Variants in DPP6 observed in about 807,000 individuals in gnomAD.
DPP6 encodes the protein dipeptidyl peptidase like 6, also known as A-type potassium channel modulatory protein DPP6.
Under a neutral mutation model 122.6 loss-of-function variants are expected in DPP6, and 69 were observed. That is an observed-to-expected ratio of 0.56 (90% CI 0.46 to 0.69). The LOEUF is 0.69. DPP6 is among the 30% of genes least tolerant of loss of function. The probability of loss-of-function intolerance (pLI) is 0.00; values close to 1 mark genes in which losing one functional copy is unlikely to be tolerated. For synonymous variants in DPP6, 418 were observed against 433.1 expected (o/e 0.97, Z 0.43); for missense variants, 928 against 1,116.9 (o/e 0.83, Z 2.41).
intron 7 of DPP6, among the ~76,000 whole-genome samples, chr7:154,693,670 GC>G (rs546350628): frequency 9.9e-5 from 15 of 152,246 alleles, no homozygotes; most frequent in Admixed American, 8.5e-4. Flanking sequence ...GGGGGTTCTG[GC>G]CACATCTGCC....
At chr7:154,392,457 G>T (rs1490032821) in intron 1 of DPP6, among the ~76,000 whole-genome samples, 2 of 152,146 alleles carry the variant, frequency 1.3e-5, no homozygotes, top group African/African-American at 2.4e-5. Flanking sequence ...GTTATTTCAT[G>T]CAGGTGGAGA....
At chr7:154,460,179 G>A (rs1006355770) in intron 2 of DPP6, among the ~76,000 whole-genome samples, 5 of 151,738 alleles carry the variant, frequency 3.3e-5, no homozygotes, top group Non-Finnish European at 7.4e-5. Context: ...ACGGGGTTTC[G>A]CGATGTTGGC....
At chr7:154,338,286 G>A (rs1479247628) in intron 1 of DPP6, among the ~76,000 whole-genome samples, 3 of 152,124 alleles carry the variant, frequency 2.0e-5, no homozygotes, top group Non-Finnish European at 4.4e-5. Context: ...TACAGTATCT[G>A]AAAGGCCTTT....
intron 1 of DPP6, among the ~76,000 whole-genome samples, chr7:154,312,207 T>G (rs1372409104): frequency 6.6e-6 from 1 of 152,212 alleles, no homozygotes. Flanking sequence ...ATCCTGTTGC[T>G]GCTTTCTGCT....
chr7:154,072,846 A>G (rs1254987186), intron 1 of DPP6, among the ~76,000 whole-genome samples: 1 of 152,282 alleles, frequency 6.6e-6, no homozygotes, highest in Non-Finnish European at 1.5e-5. Context: ...GTCGGAAGCC[A>G]CAGGCCCTCA....
intron 1 of DPP6, among the ~76,000 whole-genome samples, chr7:154,020,601 T>G (rs1193684027): frequency 6.6e-6 from 1 of 152,218 alleles, no homozygotes; most frequent in Non-Finnish European, 1.5e-5. Flanking sequence ...GCAAGCATTC[T>G]TGCCGTGCTG....
At chr7:154,396,112 C>T (rs1815063531) in intron 1 of DPP6, among the ~76,000 whole-genome samples, 1 of 152,110 alleles carries the variant, frequency 6.6e-6, no homozygotes, top group Non-Finnish European at 1.5e-5. Flanking sequence ...ACTCTCCAGT[C>T]ACTCAAATAA....
At chr7:154,661,889 C>A (rs1197130721) in intron 6 of DPP6, among the ~76,000 whole-genome samples, 1 of 150,988 alleles carries the variant, frequency 6.6e-6, no homozygotes, top group African/African-American at 2.4e-5. Flanking sequence ...ATCACCATGG[C>A]ATATTGGCCG....
chr7:153,949,060 T>C (rs1164337849), intron 1 of DPP6, among the ~76,000 whole-genome samples: 1 of 152,188 alleles, frequency 6.6e-6, no homozygotes, highest in Non-Finnish European at 1.5e-5. Context: ...TCCAAAATCA[T>C]TCATTCGTTT....
chr7:154,702,248 A>G (rs1049036333), intron 7 of DPP6, among the ~76,000 whole-genome samples: 4 of 152,224 alleles, frequency 2.6e-5, no homozygotes, highest in African/African-American at 9.6e-5. Flanking sequence ...TCCTTGACAC[A>G]CAATATTGAA....
intron 1 of DPP6, among the ~76,000 whole-genome samples, chr7:154,154,682 A>G (rs1796591895): frequency 1.3e-5 from 2 of 152,228 alleles, no homozygotes; most frequent in Non-Finnish European, 2.9e-5. Flanking sequence ...AGGTGATGTG[A>G]TCTATGTGAT....
At chr7:154,470,411 CT>C (rs1472968537) in intron 2 of DPP6, among the ~76,000 whole-genome samples, 2 of 152,212 alleles carry the variant, frequency 1.3e-5, no homozygotes, top group African/African-American at 4.8e-5. Context: ...AAGTCTTGGA[CT>C]CTTCTGGGTA....
At chr7:154,810,890 C>G (rs577364924) in intron 16 of DPP6, among the ~76,000 whole-genome samples, 4 of 152,332 alleles carry the variant, frequency 2.6e-5, no homozygotes, top group African/African-American at 9.6e-5. Context: ...AATAATCAAA[C>G]AGATTCCTAG....
At position 154,801,640 on chromosome 7, in the gene DPP6, G is replaced by C. The variant is rs1217067622; in HGVS notation, c.1407+178G>C. On this transcript the variant is annotated intron_variant, in intron 13 of 25. Coordinates refer to ENST00000377770, the MANE Select transcript of DPP6 (RefSeq NM_130797.4). Reference sequence around the variant, plus strand: ...AGTGCAGAGGTTCCCATCAGGCCTGGTGGAACCTTGCTCTATCTGGTCACG... The same window carrying C: ...AGTGCAGAGGTTCCCATCAGGCCTGCTGGAACCTTGCTCTATCTGGTCACG... Among the ~76,000 whole-genome samples the C allele has an allele frequency of 2.0e-5, 3 of 152,290 alleles. No homozygotes were observed. The East Asian group carries it at 5.8e-4, about 29-fold the overall frequency.
chr7:154,566,839 T>C lies in DPP6; in HGVS notation c.553-3T>C, dbSNP rs1563864888. 5 of 1,548,228 alleles carry C rather than the reference T, an allele frequency of 3.2e-6. No homozygotes were observed. The South Asian group carries it at 3.5e-5, about 11-fold the overall frequency. On this transcript the variant is annotated splice_region_variant and splice_polypyrimidine_tract_variant and intron_variant, in intron 4 of 25. Transcript: ENST00000377770. ...AAAATTCTTTGTCTATTTTTTCTTT[T>C]AGGAATCATTAAGAGCCATCAGATA...
At chr7:154,571,525 A>T (rs1831110605) in intron 5 of DPP6, among the ~76,000 whole-genome samples, 2 of 152,210 alleles carry the variant, frequency 1.3e-5, no homozygotes. Context: ...AAGACCTAAG[A>T]GAAAAATATT....
Position 154,764,739 on chromosome 7 carries a change from C to T in DPP6, c.884-4678C>T, listed in dbSNP as rs919922056. ...TTTCCCCGAGTTGCAAGTTGCAGTT[C>T]TCCTTCTGTTTACTGTATTACAAAC... On this transcript the variant is annotated intron_variant, in intron 8 of 25. Coordinates refer to ENST00000377770, the MANE Select transcript of DPP6 (RefSeq NM_130797.4). 2.6e-5 allele frequency among the ~76,000 whole-genome samples: 4 copies of T among 152,168 alleles called. No homozygotes were observed. In the South Asian group the frequency reaches 8.3e-4, roughly 32 times the overall value.
chr7:154,798,614 C>T (rs78946676), intron 12 of DPP6, among the ~76,000 whole-genome samples: 3,484 of 152,250 alleles, frequency 0.023, 122 homozygotes, highest in African/African-American at 0.078. Context: ...TCAGGTCAGC[C>T]CATCAGCTGC....
chr7:154,107,634 C>T (rs1806263115), intron 1 of DPP6, among the ~76,000 whole-genome samples: 1 of 152,238 alleles, frequency 6.6e-6, no homozygotes, highest in Admixed American at 6.5e-5. Context: ...TTGATATAAG[C>T]ATTCCATATG....
Sources: gnomAD v4.1 joint callset for allele counts (sites outside exome capture counted in the v4.1 genomes callset) on GRCh38, gnomAD v4.1.1 for gene constraint, MANE v1.5 for transcripts, NCBI Gene and HGNC (gene_info 2026-07-23, HGNC 2026-07-21) for gene names.